Variants in TMTC1 observed in about 807,000 individuals in gnomAD.
TMTC1 encodes the protein protein O-mannosyl-transferase TMTC1.
A neutral mutation model predicts 104.8 loss-of-function variants in TMTC1; 73 were observed. That is an observed-to-expected ratio of 0.70 (90% CI 0.58 to 0.85). The LOEUF (loss-of-function observed/expected upper bound fraction) is 0.85, where lower values mean the gene tolerates loss of function less well. Ranked by LOEUF, TMTC1 falls within the 40% of genes least tolerant of loss-of-function variation. TMTC1 has a pLI of 0.00. For synonymous variants in TMTC1, 434 were observed against 428.7 expected, an observed-to-expected ratio of 1.01 and a Z score of -0.15; for missense variants, 1,035 against 1,096.1, an observed-to-expected ratio of 0.94 and a Z score of 0.79.
intron 5 of TMTC1, among the ~76,000 whole-genome samples, chr12:29,732,146 T>C (rs1294807717): frequency 6.6e-6 from 1 of 152,164 alleles, no homozygotes; most frequent in Admixed American, 6.5e-5. Flanking sequence ...TACCAATACA[T>C]GGTAGCAAAT....
At chr12:29,732,643 A>G (rs1942574056) in intron 5 of TMTC1, among the ~76,000 whole-genome samples, 1 of 152,190 alleles carries the variant, frequency 6.6e-6, no homozygotes, top group Admixed American at 6.5e-5. Context: ...AACATTTATC[A>G]TAGTGATTAG....
In TMTC1 at chr12:29,520,552, T is replaced by G; in HGVS notation, c.1888+66A>C. The stretch of plus-strand genomic sequence containing the variant: ...TTTTACTTCTGAGGATTATTTGCCT[T>G]CCATTTTGCTTGATAAATTGTATTA... On this transcript the variant is annotated intron_variant, in intron 12 of 17. Coordinates refer to ENST00000539277, the MANE Select transcript of TMTC1 (RefSeq NM_001193451.2). The G allele has an allele frequency of 2.2e-6, 3 of 1,367,606 alleles. No individual in the cohort carries two copies. In the South Asian group the frequency reaches 3.7e-5, roughly 17 times the overall value. The allele number at this position is 1,367,606 out of a possible 1,614,324, so 84.7% of individuals were successfully genotyped here.
intron 7 of TMTC1, among the ~76,000 whole-genome samples, chr12:29,603,678 C>T (rs1373002662): frequency 6.6e-6 from 1 of 152,190 alleles, no homozygotes; most frequent in Non-Finnish European, 1.5e-5. Context: ...TGTAATCACA[C>T]ACATTTGAAT....
chr12:29,653,500 A>G (rs1939617645), intron 5 of TMTC1, among the ~76,000 whole-genome samples: 1 of 152,204 alleles, frequency 6.6e-6, no homozygotes, highest in Admixed American at 6.5e-5. Flanking sequence ...CTTGCTTATC[A>G]AAAGAAAGTT....
rs1372094173 is a variant in TMTC1, at chr12:29,783,010, C to T, written c.302+440G>A. On this transcript the variant is annotated intron_variant, in intron 1 of 17. Transcript: ENST00000539277. This position sits in a 1 kb window ranked among gnomAD's most constrained non-coding sequence, Gnocchi z 4.7. ...AAACCCTTAAGGGGCTGATACACTT[C>T]TCATCTGCAAAGCTGCCCAACAGCC... The T allele has an allele frequency of 1.2e-5, 2 of 161,036 alleles. No homozygotes were observed. Among genetic ancestry groups the T allele is most frequent in the African/African-American group, 2.4e-5 (1 of 41,882 alleles). The allele number at this position is 161,036 out of a possible 1,614,324, so 10.0% of individuals were successfully genotyped here.
At chr12:29,621,478 G>T (rs1293544332) in intron 6 of TMTC1, among the ~76,000 whole-genome samples, 4 of 152,208 alleles carry the variant, frequency 2.6e-5, no homozygotes, top group Non-Finnish European at 5.9e-5. Flanking sequence ...GGGCAGCAAA[G>T]CTCTAAATAT....
At chr12:29,745,833 C>G (rs1324013156) in intron 5 of TMTC1, among the ~76,000 whole-genome samples, 1 of 152,028 alleles carries the variant, frequency 6.6e-6, no homozygotes, top group Non-Finnish European at 1.5e-5. Flanking sequence ...AAAGTTATTG[C>G]TTTCTTGGGT....
intron 10 of TMTC1, among the ~76,000 whole-genome samples, chr12:29,542,985 A>T (rs1198877122): frequency 6.6e-6 from 1 of 152,212 alleles, no homozygotes; most frequent in Non-Finnish European, 1.5e-5. Flanking sequence ...AATATTTTGC[A>T]GCAAAACTCA....
intron 6 of TMTC1, among the ~76,000 whole-genome samples, chr12:29,624,578 C>G (rs11050324): frequency 6.6e-6 from 1 of 152,144 alleles, no homozygotes; most frequent in East Asian, 1.9e-4. Flanking sequence ...TACTTTCCTG[C>G]CTCAGGGACT....
rs1370135806 is a variant in TMTC1 at position 29,643,597 on chromosome 12, T to TC, written c.939-10262_939-10261insG. Among the ~76,000 whole-genome samples, 6 of 30,894 alleles carry TC rather than the reference T, an allele frequency of 1.9e-4. 1 individual carries two copies. Among genetic ancestry groups the TC allele is most frequent in the Non-Finnish European group, 3.2e-4 (6 of 18,576 alleles). The allele number at this position is 30,894 out of a possible 152,430, so 20.3% of individuals were successfully genotyped here. A position where few individuals can be genotyped will look rare whatever the true frequency, so the allele number is the denominator to read the frequency against. On this transcript the variant is annotated intron_variant, in intron 5 of 17. Transcript: ENST00000539277. ...AATATATGTCATATATAAATATATA[T>TC]TATATATTATATATAATATATATCT...
At chr12:29,673,610 C>T (rs1037417404) in intron 5 of TMTC1, among the ~76,000 whole-genome samples, 2 of 151,526 alleles carry the variant, frequency 1.3e-5, no homozygotes, top group African/African-American at 2.4e-5. Flanking sequence ...TGTATATTTA[C>T]ATATTTAATT....
chr12:29,663,907 G>C (rs1940154285), intron 5 of TMTC1, among the ~76,000 whole-genome samples: 1 of 152,100 alleles, frequency 6.6e-6, no homozygotes, highest in Admixed American at 6.6e-5. Context: ...TCCTGAGAAA[G>C]TCCATTTCTC....
chr12:29,757,412 C>T (rs1475584997), intron 3 of TMTC1, among the ~76,000 whole-genome samples: 2 of 152,166 alleles, frequency 1.3e-5, no homozygotes, highest in African/African-American at 2.4e-5. Flanking sequence ...CAACCAAAAA[C>T]GTATGCAGAT....
intron 5 of TMTC1, among the ~76,000 whole-genome samples, chr12:29,717,951 A>G (rs995378659): frequency 2.6e-5 from 4 of 152,244 alleles, no homozygotes; most frequent in African/African-American, 9.6e-5. Flanking sequence ...ATTCTACAAT[A>G]CAATGCAGAT....
chr12:29,712,943 G>C (rs767095), intron 5 of TMTC1, among the ~76,000 whole-genome samples: 30,787 of 152,038 alleles, frequency 0.2, 3,508 homozygotes, highest in Admixed American at 0.27. Flanking sequence ...TCAGTTGTTT[G>C]TTCAAACACC....
chr12:29,547,486 C>T lies in TMTC1; in HGVS notation c.1676+9371G>A, dbSNP rs375429413. On this transcript the variant is annotated intron_variant, in intron 10 of 17. Coordinates refer to ENST00000539277, the MANE Select transcript of TMTC1 (RefSeq NM_001193451.2). ...ACAACTGCCAAATCTTGAGTAAGTA[C>T]ATAGACATTCTCGTTATTTCCCAGT... Among the ~76,000 whole-genome samples the T allele has an allele frequency of 3.9e-5, 6 of 152,294 alleles. No homozygotes were observed. In the East Asian group the frequency reaches 1.2e-3, roughly 29 times the overall value.
chr12:29,725,672 T>C (rs1942369066), intron 5 of TMTC1, among the ~76,000 whole-genome samples: 1 of 152,214 alleles, frequency 6.6e-6, no homozygotes, highest in African/African-American at 2.4e-5. Flanking sequence ...ATTAATTACA[T>C]GCTCTATGGA....
At chr12:29,738,286 A>G (rs1310227472) in intron 5 of TMTC1, among the ~76,000 whole-genome samples, 2 of 152,222 alleles carry the variant, frequency 1.3e-5, no homozygotes, top group African/African-American at 4.8e-5. Flanking sequence ...TTATTGTTAA[A>G]TGTAAACAAG....
chr12:29,652,743 A>G (rs1275815705), intron 5 of TMTC1, among the ~76,000 whole-genome samples: 1 of 152,244 alleles, frequency 6.6e-6, no homozygotes, highest in African/African-American at 2.4e-5. Flanking sequence ...GGAATAGTCT[A>G]TAACAATAAA....
Sources: allele counts gnomAD v4.1 joint callset (sites outside exome capture counted in the v4.1 genomes callset), GRCh38; gene constraint gnomAD v4.1.1; non-coding constraint Gnocchi (gnomAD v3.1); transcripts MANE v1.5; gene names NCBI Gene and HGNC (gene_info 2026-07-23, HGNC 2026-07-21).